GPC6: variants seen among roughly 807,000 people sequenced by gnomAD.
GPC6 encodes glypican 6.
GPC6 carries 14 observed loss-of-function variants against 55.2 expected under a neutral mutation model. The ratio of observed to expected loss-of-function variants is 0.25; its 90% confidence interval spans 0.17 to 0.40. The LOEUF is 0.40. GPC6 is among the 10% of genes least tolerant of loss of function. The probability of loss-of-function intolerance (pLI) is 1.00; values close to 1 mark genes in which losing one functional copy is unlikely to be tolerated. For missense variants in GPC6, 641 were observed against 708.5 expected (o/e 0.90, Z 1.08); for synonymous variants, 278 against 259.6 (o/e 1.07, Z -0.68).
chr13:93,282,678 C>T (rs1877992275), intron 1 of GPC6, among the ~76,000 whole-genome samples: 1 of 151,864 alleles, frequency 6.6e-6, no homozygotes, highest in South Asian at 2.1e-4. Context: ...AAATATTTTA[C>T]ACAGAAAAAT....
At chr13:94,028,032 G>T (rs917055076) in intron 4 of GPC6, 138 bp downstream of exon 4, 4 of 798,866 alleles carry the variant, frequency 5.0e-6, no homozygotes, top group Non-Finnish European at 8.5e-6. Context: ...TGGGAGGCCA[G>T]TACAGATGGA....
At position 94,061,629 on chromosome 13, in the gene GPC6, A is replaced by G. The variant is rs116113956; in HGVS notation, c.877+33735A>G. Among the ~76,000 whole-genome samples the G allele has an allele frequency of 5.5e-3, 829 of 152,088 alleles. 9 individuals carry two copies. The highest frequency in any genetic ancestry group is 0.019 in the African/African-American group (791 of 41,488). On this transcript the variant is annotated intron_variant, in intron 4 of 8. Transcript: ENST00000377047. The stretch of plus-strand genomic sequence containing the variant: ...CTGAAATTCCTCACCGAGAAGGAGC[A>G]CTGTGTTACTGGGTGATTTTGCAGA...
chr13:93,537,310 T>C (rs1234853271), intron 1 of GPC6, among the ~76,000 whole-genome samples: 4 of 152,230 alleles, frequency 2.6e-5, no homozygotes, highest in African/African-American at 9.6e-5. Context: ...ATAGTTCTTG[T>C]TAATTTAACT....
intron 1 of GPC6, among the ~76,000 whole-genome samples, chr13:93,543,828 A>C (rs1343280550): frequency 6.6e-6 from 1 of 152,108 alleles, no homozygotes; most frequent in Non-Finnish European, 1.5e-5. Context: ...TTCTCTTCAG[A>C]TAAATGTCCA....
chr13:93,669,317 C>A (rs1881267841), intron 2 of GPC6, among the ~76,000 whole-genome samples: 1 of 152,090 alleles, frequency 6.6e-6, no homozygotes, highest in Non-Finnish European at 1.5e-5. Flanking sequence ...AACTTCCTAC[C>A]TTGTGAAAAA....
rs9561424 is a variant in GPC6 at position 93,664,452 on chromosome 13, G to T, written c.319+119031G>T. Among the ~76,000 whole-genome samples, 5 of 152,152 alleles carry T rather than the reference G, an allele frequency of 3.3e-5. No individual in the cohort carries two copies. The East Asian group carries it at 9.7e-4, about 29-fold the overall frequency. Reference sequence around the variant, plus strand: ...AAATCAGAGCATTTCCCTTGTTAAGGGAAACTGATTTGGCAAATGTAGATG... The same window carrying T: ...AAATCAGAGCATTTCCCTTGTTAAGTGAAACTGATTTGGCAAATGTAGATG... On this transcript the variant is annotated intron_variant, in intron 2 of 8. Coordinates refer to ENST00000377047, the MANE Select transcript of GPC6 (RefSeq NM_005708.5).
chr13:93,816,553 AT>A (rs1485987504), intron 2 of GPC6, among the ~76,000 whole-genome samples: 1 of 147,782 alleles, frequency 6.8e-6, no homozygotes, highest in Admixed American at 6.7e-5. Context: ...TGATTCTTGG[AT>A]TCTCCATGGT....
Position 93,227,680 on chromosome 13 carries a change from C to T in GPC6, c.160+64C>T, listed in dbSNP as rs1408354387. On this transcript the variant is annotated intron_variant, in intron 1 of 8. Coordinates refer to ENST00000377047, the MANE Select transcript of GPC6 (RefSeq NM_005708.5). This position sits in a 1 kb window ranked among gnomAD's most constrained non-coding sequence, Gnocchi z 4.3. Reference sequence around the variant, plus strand: ...CGGCTGCCGCACGTCCCACTGGCCGCCCGGCGTCCCCTTCCTTCCCCCTGT... The same window carrying T: ...CGGCTGCCGCACGTCCCACTGGCCGTCCGGCGTCCCCTTCCTTCCCCCTGT... 2.3e-6 allele frequency: 3 copies of T among 1,307,798 alleles called. No homozygotes were observed. The highest frequency in any genetic ancestry group is 1.5e-5 in the African/African-American group (1 of 68,496). The allele number at this position is 1,307,798 out of a possible 1,614,324, so 81.0% of individuals were successfully genotyped here. A position where few individuals can be genotyped will look rare whatever the true frequency, so the allele number is the denominator to read the frequency against.
chr13:93,961,673 T>G (rs1879782665), intron 3 of GPC6, among the ~76,000 whole-genome samples: 1 of 152,230 alleles, frequency 6.6e-6, no homozygotes, highest in Admixed American at 6.5e-5. Context: ...GTCATTAGCT[T>G]AGTAAATGGT....
chr13:93,970,095 T>TA (rs971492946), intron 3 of GPC6, among the ~76,000 whole-genome samples: 1 of 152,186 alleles, frequency 6.6e-6, no homozygotes, highest in Non-Finnish European at 1.5e-5. Context: ...CAGAACAATT[T>TA]AAAAAATAAA....
intron 1 of GPC6, among the ~76,000 whole-genome samples, chr13:93,249,129 G>A (rs912056311): frequency 6.6e-6 from 1 of 152,122 alleles, no homozygotes; most frequent in Non-Finnish European, 1.5e-5. Context: ...AGTATTATCA[G>A]TGCCATAAAC....
intron 1 of GPC6, among the ~76,000 whole-genome samples, chr13:93,239,729 A>G (rs1379319497): frequency 2.0e-5 from 3 of 151,452 alleles, no homozygotes; most frequent in South Asian, 2.1e-4. Context: ...TTGGTTGTCA[A>G]TTTGTGATCT....
intron 1 of GPC6, among the ~76,000 whole-genome samples, chr13:93,304,906 T>C (rs572509886): frequency 1.3e-5 from 2 of 152,340 alleles, no homozygotes; most frequent in South Asian, 2.1e-4. Context: ...TGGCTTTCTC[T>C]GTTTTGGCAT....
chr13:93,431,685 A>C (rs1427864612), intron 1 of GPC6, among the ~76,000 whole-genome samples: 1 of 152,200 alleles, frequency 6.6e-6, no homozygotes, highest in Non-Finnish European at 1.5e-5. Context: ...TGATCTGAGA[A>C]GAATATGTAT....
intron 3 of GPC6, among the ~76,000 whole-genome samples, chr13:93,885,155 G>T (rs1875246889): frequency 6.6e-6 from 1 of 151,860 alleles, no homozygotes; most frequent in Non-Finnish European, 1.5e-5. Flanking sequence ...AACTATGTTG[G>T]CAGAGTGCAA....
At chr13:93,985,006 G>A (rs548933250) in intron 3 of GPC6, among the ~76,000 whole-genome samples, 1 of 152,232 alleles carries the variant, frequency 6.6e-6, no homozygotes, top group Non-Finnish European at 1.5e-5. Flanking sequence ...GAACAGCATG[G>A]GGCTGATGTG....
chr13:93,746,921 C>T (rs185339034), intron 2 of GPC6, among the ~76,000 whole-genome samples: 19 of 152,228 alleles, frequency 1.2e-4, no homozygotes, highest in Admixed American at 3.9e-4. Context: ...AGAAGCCTTA[C>T]GGCAATTCAT....
At chr13:93,590,365 T>G (rs1206191160) in intron 2 of GPC6, among the ~76,000 whole-genome samples, 1 of 152,172 alleles carries the variant, frequency 6.6e-6, no homozygotes, top group Non-Finnish European at 1.5e-5. Flanking sequence ...TCCCATTTAT[T>G]TTAAATATGG....
At chr13:93,484,802 A>T (rs965871114) in intron 1 of GPC6, among the ~76,000 whole-genome samples, 23 of 152,206 alleles carry the variant, frequency 1.5e-4, no homozygotes, top group African/African-American at 5.5e-4. Context: ...TGTGTTAGCG[A>T]TGACTATTGC....
Sources: gnomAD v4.1 joint callset for allele counts (sites outside exome capture counted in the v4.1 genomes callset) on GRCh38, gnomAD v4.1.1 for gene constraint, Gnocchi (gnomAD v3.1) non-coding constraint, MANE v1.5 for transcripts, NCBI Gene and HGNC (gene_info 2026-07-23, HGNC 2026-07-21) for gene names.